Variants in CNTNAP2 observed in about 807,000 individuals in gnomAD.
CNTNAP2 encodes the protein contactin associated protein 2.
CNTNAP2 carries 98 observed loss-of-function variants against 155.2 expected under a neutral mutation model. The observed-to-expected ratio is 0.63, with a 90% CI of 0.54 to 0.75. The LOEUF is 0.75. CNTNAP2 is among the 30% of genes least tolerant of loss of function. CNTNAP2 has a pLI of 0.00. For missense variants in CNTNAP2, 1,727 were observed against 1,688.1 expected, an observed-to-expected ratio of 1.02 and a Z score of -0.40; for synonymous variants, 651 against 631.2, an observed-to-expected ratio of 1.03 and a Z score of -0.47.
chr7:147,380,901 C>A (rs1796523905), intron 9 of CNTNAP2, among the ~76,000 whole-genome samples: 1 of 151,992 alleles, frequency 6.6e-6, no homozygotes, highest in African/African-American at 2.4e-5. Flanking sequence ...GCAGAGCCAT[C>A]CCCCATATGA....
At chr7:146,229,089 G>A (rs754084254) in intron 1 of CNTNAP2, among the ~76,000 whole-genome samples, 12 of 151,980 alleles carry the variant, frequency 7.9e-5, no homozygotes, top group Admixed American at 7.2e-4. Flanking sequence ...CCTCTTGGTA[G>A]GTTTTCTTAA....
chr7:147,483,296 A>AAATTTAG (rs1240569987), intron 10 of CNTNAP2, among the ~76,000 whole-genome samples: 2 of 152,146 alleles, frequency 1.3e-5, no homozygotes, highest in East Asian at 3.9e-4. Context: ...TGCATAGGTT[A>AAATTTAG]TATGCAAATA....
chr7:147,380,465 T>G lies in CNTNAP2; in HGVS notation c.1499-15144T>G, dbSNP rs113014611. On this transcript the variant is annotated intron_variant, in intron 9 of 23. Transcript: ENST00000361727. ...ATTATATCAAGAGGAATAATAATAA[T>G]ACAAACAATAACAAACACCATAACA... Among the ~76,000 whole-genome samples, 279 of 151,892 alleles carry G rather than the reference T, an allele frequency of 1.8e-3. 1 individual carries two copies. Among genetic ancestry groups the G allele is most frequent in the African/African-American group, 6.4e-3 (267 of 41,448 alleles).
chr7:147,214,655 T>G (rs1257292916), intron 8 of CNTNAP2, among the ~76,000 whole-genome samples: 2 of 152,152 alleles, frequency 1.3e-5, no homozygotes, highest in Non-Finnish European at 2.9e-5. Context: ...CTCTTTGCAA[T>G]ATTTTTAAAG....
chr7:147,362,236 A>C (rs1361760680), intron 9 of CNTNAP2, among the ~76,000 whole-genome samples: 2 of 152,164 alleles, frequency 1.3e-5, no homozygotes, highest in Non-Finnish European at 2.9e-5. Flanking sequence ...GAACTCAAAC[A>C]ATCTTTCCAC....
chr7:146,549,351 T>C (rs1269404687), intron 1 of CNTNAP2, among the ~76,000 whole-genome samples: 1 of 152,066 alleles, frequency 6.6e-6, no homozygotes, highest in Non-Finnish European at 1.5e-5. Flanking sequence ...ATGTATCTTA[T>C]TTGTTTATAT....
At chr7:147,634,937 T>C (rs1388415563) in intron 12 of CNTNAP2, among the ~76,000 whole-genome samples, 1 of 152,168 alleles carries the variant, frequency 6.6e-6, no homozygotes, top group Non-Finnish European at 1.5e-5. Flanking sequence ...AGTGGACTCT[T>C]TGTATACCTG....
At position 146,850,177 on chromosome 7, in the gene CNTNAP2, A is replaced by G. The variant is rs139491661; in HGVS notation, c.402+10273A>G. Among the ~76,000 whole-genome samples the G allele has an allele frequency of 1.9e-3, 291 of 152,332 alleles. 2 individuals carry two copies. The highest frequency in any genetic ancestry group is 6.8e-3 in the African/African-American group (282 of 41,576). On this transcript the variant is annotated intron_variant, in intron 3 of 23. Coordinates refer to ENST00000361727, the MANE Select transcript of CNTNAP2 (RefSeq NM_014141.6). ...AGGCTGTCTGAAAGGTTCATTCACCATCTATGCCTTTTCAGAAGTCTAGAG... is the reference window on the plus strand; with the variant it reads ...AGGCTGTCTGAAAGGTTCATTCACCGTCTATGCCTTTTCAGAAGTCTAGAG...
At chr7:147,323,720 A>C (rs1795396931) in intron 9 of CNTNAP2, among the ~76,000 whole-genome samples, 1 of 152,184 alleles carries the variant, frequency 6.6e-6, no homozygotes, top group Admixed American at 6.5e-5. Context: ...TTTCTTTTTC[A>C]AGTTTTCAAT....
At chr7:147,244,530 T>G (rs1433377075) in intron 8 of CNTNAP2, among the ~76,000 whole-genome samples, 4 of 152,212 alleles carry the variant, frequency 2.6e-5, no homozygotes, top group African/African-American at 7.2e-5. Flanking sequence ...GGACAAATAT[T>G]TCTTCCATGT....
At chr7:147,781,616 A>C (rs985375742) in intron 13 of CNTNAP2, among the ~76,000 whole-genome samples, 2 of 152,232 alleles carry the variant, frequency 1.3e-5, no homozygotes, top group Non-Finnish European at 2.9e-5. Context: ...CTATCAAAAG[A>C]CTGGATCCCT....
At chr7:147,096,451 C>T (rs1288447213) in intron 4 of CNTNAP2, among the ~76,000 whole-genome samples, 1 of 152,214 alleles carries the variant, frequency 6.6e-6, no homozygotes, top group Non-Finnish European at 1.5e-5. Flanking sequence ...CCTCTGCCAT[C>T]ATGGCTGAGC....
intron 13 of CNTNAP2, among the ~76,000 whole-genome samples, chr7:147,668,120 A>G (rs1182664674): frequency 6.6e-6 from 1 of 152,186 alleles, no homozygotes; most frequent in Non-Finnish European, 1.5e-5. Flanking sequence ...AGTTGTTGGA[A>G]TAGAACATAT....
chr7:146,178,045 A>AT (rs1196861882), intron 1 of CNTNAP2, among the ~76,000 whole-genome samples: 1 of 151,226 alleles, frequency 6.6e-6, no homozygotes, highest in Non-Finnish European at 1.5e-5. Flanking sequence ...TTATTTTTTT[A>AT]TTTTTTGAGA....
chr7:148,118,790 A>G (rs1286861311), intron 16 of CNTNAP2, among the ~76,000 whole-genome samples: 3 of 152,054 alleles, frequency 2.0e-5, no homozygotes, highest in Non-Finnish European at 4.4e-5. Context: ...CCTACAGAGG[A>G]CCCACACCTG....
At chr7:147,758,983 C>G (rs373012963) in intron 13 of CNTNAP2, among the ~76,000 whole-genome samples, 59 of 152,122 alleles carry the variant, frequency 3.9e-4, no homozygotes, top group South Asian at 2.7e-3. Flanking sequence ...TCTTAGTTTC[C>G]CGTTCAATCT....
chr7:146,565,228 C>A (rs1798339395), intron 1 of CNTNAP2, among the ~76,000 whole-genome samples: 1 of 151,926 alleles, frequency 6.6e-6, no homozygotes, highest in Non-Finnish European at 1.5e-5. Context: ...CAAGGAAAAT[C>A]TTTTGTAAGA....
intron 10 of CNTNAP2, among the ~76,000 whole-genome samples, chr7:147,427,170 A>T (rs1056998584): frequency 6.6e-6 from 1 of 152,002 alleles, no homozygotes; most frequent in South Asian, 2.1e-4. Context: ...GGAGAAAGAG[A>T]GTGTTCCATG....
At chr7:146,861,183 C>T (rs1795091413) in intron 3 of CNTNAP2, among the ~76,000 whole-genome samples, 1 of 152,110 alleles carries the variant, frequency 6.6e-6, no homozygotes, top group African/African-American at 2.4e-5. Context: ...GCCTCAGCCT[C>T]CTGAGTGGCT....
Sources: allele counts gnomAD v4.1 joint callset (sites outside exome capture counted in the v4.1 genomes callset), GRCh38; gene constraint gnomAD v4.1.1; transcripts MANE v1.5; gene names NCBI Gene and HGNC (gene_info 2026-07-23, HGNC 2026-07-21).